The following TTLL11 variants were observed in gnomAD, a reference collection of about 807,000 sequenced individuals.
TTLL11 encodes tubulin tyrosine ligase like 11.
TTLL11 carries 42 observed loss-of-function variants against 51.7 expected under a neutral mutation model. That is an observed-to-expected ratio of 0.81 (90% CI 0.64 to 1.05). TTLL11 has a LOEUF of 1.05. Ranked by LOEUF, TTLL11 falls within the 50% of genes least tolerant of loss-of-function variation. The probability of loss-of-function intolerance (pLI) is 0.00; values close to 1 mark genes in which losing one functional copy is unlikely to be tolerated. For synonymous variants in TTLL11, 381 were observed against 383.5 expected (o/e 0.99, Z 0.08); for missense variants, 799 against 940.4 (o/e 0.85, Z 1.97).
chr9:121,834,936 T>A (rs1837142893), intron 8 of TTLL11, among the ~76,000 whole-genome samples: 1 of 152,188 alleles, frequency 6.6e-6, no homozygotes, highest in South Asian at 2.1e-4. Context: ...GTGGTTTCAT[T>A]TTCTCCTACT....
rs1385726619 is a variant in TTLL11 at position 121,816,573 on chromosome 9, C to CGTGCACACGT, written c.*6013_*6014insACGTGTGCAC. On this transcript the variant is annotated 3_prime_UTR_variant, in exon 9 of 9. Transcript: ENST00000321582. ...GTGCGCACGTGTGTGCATGCGTGTGCGTGTGTGCATGTGTGTGCGTGTGTG... is the reference window on the plus strand; with the variant it reads ...GTGCGCACGTGTGTGCATGCGTGTGCGTGCACACGTGTGTGTGCATGTGTGTGCGTGTGTG... 128 of 150,890 alleles carry CGTGCACACGT rather than the reference C, an allele frequency of 8.5e-4. No homozygotes were observed. Among genetic ancestry groups the CGTGCACACGT allele is most frequent in the African/African-American group, 3.0e-3 (124 of 40,814 alleles). The allele number at this position is 150,890 out of a possible 1,614,324, so 9.3% of individuals were successfully genotyped here. A position where few individuals can be genotyped will look rare whatever the true frequency, so the allele number is the denominator to read the frequency against.
chr9:121,854,454 G>A (rs1430451244), intron 8 of TTLL11, among the ~76,000 whole-genome samples: 2 of 152,144 alleles, frequency 1.3e-5, no homozygotes, highest in Non-Finnish European at 2.9e-5. Context: ...TGTTCCCTTT[G>A]GTTACTGAAA....
intron 6 of TTLL11, among the ~76,000 whole-genome samples, chr9:121,899,218 C>T (rs997311703): frequency 6.6e-6 from 1 of 152,072 alleles, no homozygotes; most frequent in Admixed American, 6.5e-5. Flanking sequence ...CCTCAGCTTG[C>T]TCCCTCTATC....
Position 121,989,795 on chromosome 9 carries a change from G to A in TTLL11, c.694-25C>T, listed in dbSNP as rs764634749. ...CCTGGAGGGGGAAAAAAGGATGGCC[G>A]ACATTATATTGTTTTCCCTCTGGAT... is the stretch of plus-strand genomic sequence containing the variant. On this transcript the variant is annotated intron_variant, in intron 3 of 8. Transcript: ENST00000321582. The surrounding 1 kb of genome is among the most constrained non-coding windows in gnomAD (Gnocchi z 4.2). 2.3e-4 allele frequency: 365 copies of A among 1,564,746 alleles called. No homozygotes were observed. The highest frequency in any genetic ancestry group is 2.7e-4 in the Non-Finnish European group (309 of 1,156,180).
chr9:121,857,840 C>A (rs569808006), intron 8 of TTLL11, among the ~76,000 whole-genome samples: 284 of 152,286 alleles, frequency 1.9e-3, no homozygotes, highest in African/African-American at 6.6e-3. Context: ...TCAGAATTAA[C>A]AATGGGCCAG....
At chr9:121,962,084 T>A (rs189409267) in intron 6 of TTLL11, among the ~76,000 whole-genome samples, 21 of 152,016 alleles carry the variant, frequency 1.4e-4, no homozygotes, top group Admixed American at 3.9e-4. Flanking sequence ...AAAAACAGCA[T>A]ACCAAAATTA....
chr9:122,091,485 T>TATCC (rs1263135647), intron 1 of TTLL11, among the ~76,000 whole-genome samples: 1 of 152,196 alleles, frequency 6.6e-6, no homozygotes, highest in Non-Finnish European at 1.5e-5. Context: ...GGCTACACCC[T>TATCC]ATCCACCTGG....
chr9:121,820,969 G>A lies in TTLL11; in HGVS notation c.*1618C>T, dbSNP rs1338860072. ...AGGGGTGCTGCGCGGCAGCCACACCGTGGGGGAAACAGGTTTTCCTCTTTG... is the reference window on the plus strand; with the variant it reads ...AGGGGTGCTGCGCGGCAGCCACACCATGGGGGAAACAGGTTTTCCTCTTTG... On this transcript the variant is annotated 3_prime_UTR_variant, in exon 9 of 9. Coordinates refer to ENST00000321582, the MANE Select transcript of TTLL11 (RefSeq NM_001139442.2). 4.0e-5 allele frequency among the ~76,000 whole-genome samples: 6 copies of A among 151,788 alleles called. 1 individual carries two copies. Among genetic ancestry groups the A allele is most frequent in the South Asian group, 2.1e-4 (1 of 4,802 alleles).
intron 6 of TTLL11, among the ~76,000 whole-genome samples, chr9:121,927,637 T>C (rs1840788787): frequency 6.6e-6 from 1 of 152,060 alleles, no homozygotes; most frequent in Non-Finnish European, 1.5e-5. Flanking sequence ...CATTTTTTTT[T>C]TTTTTTTTTT....
intron 6 of TTLL11, among the ~76,000 whole-genome samples, chr9:121,881,010 C>A (rs1838767365): frequency 1.3e-5 from 2 of 152,176 alleles, no homozygotes; most frequent in African/African-American, 2.4e-5. Context: ...CTCTCACAGT[C>A]CCTGGGAAAA....
intron 6 of TTLL11, among the ~76,000 whole-genome samples, chr9:121,881,979 T>G (rs1464648726): frequency 6.6e-6 from 1 of 152,232 alleles, no homozygotes; most frequent in Non-Finnish European, 1.5e-5. Flanking sequence ...ATCCTGCTCA[T>G]GCCTTGATGT....
chr9:122,078,643 T>A lies in TTLL11; in HGVS notation c.462+14044A>T, dbSNP rs149442581. The stretch of plus-strand genomic sequence containing the variant: ...TTCATTATGTACTTGGCACTTTACA[T>A]GATTATAGCTTTTTATGCTGGCAAT... On this transcript the variant is annotated intron_variant, in intron 1 of 8. Coordinates refer to ENST00000321582, the MANE Select transcript of TTLL11 (RefSeq NM_001139442.2). 2.9e-3 allele frequency among the ~76,000 whole-genome samples: 435 copies of A among 152,334 alleles called. 1 individual carries two copies. The highest frequency in any genetic ancestry group is 9.7e-3 in the African/African-American group (405 of 41,572).
intron 6 of TTLL11, among the ~76,000 whole-genome samples, chr9:121,896,187 C>G (rs561309893): frequency 6.6e-6 from 1 of 152,268 alleles, no homozygotes; most frequent in South Asian, 2.1e-4. Context: ...AATTCTGCCT[C>G]TGGCTCCCAC....
chr9:121,945,095 C>T (rs1417079189), intron 6 of TTLL11, among the ~76,000 whole-genome samples: 2 of 152,286 alleles, frequency 1.3e-5, no homozygotes, highest in East Asian at 1.9e-4. Flanking sequence ...GAAACTGGTG[C>T]TCCCTAAGCG....
At chr9:121,990,576 T>C (rs1458475868) in intron 3 of TTLL11, among the ~76,000 whole-genome samples, 1 of 152,130 alleles carries the variant, frequency 6.6e-6, no homozygotes, top group African/African-American at 2.4e-5. Context: ...TTCCTCACTT[T>C]AAAAATGGGG....
At chr9:122,031,906 A>G in intron 2 of TTLL11, 50 bp from the exon 3 acceptor site, 1 of 1,572,718 alleles carries the variant, frequency 6.4e-7, no homozygotes, top group Non-Finnish European at 8.7e-7. Flanking sequence ...GCTACTAGCT[A>G]TAAAACAGCC....
intron 6 of TTLL11, among the ~76,000 whole-genome samples, chr9:121,926,206 G>A (rs752899357): frequency 8.5e-5 from 13 of 152,166 alleles, no homozygotes; most frequent in South Asian, 2.1e-4. Context: ...GGGGCCCGGG[G>A]CTGGGGTGCA....
intron 6 of TTLL11, among the ~76,000 whole-genome samples, chr9:121,901,279 C>T (rs961759942): frequency 2.6e-5 from 4 of 152,236 alleles, no homozygotes; most frequent in Middle Eastern, 3.4e-3. Flanking sequence ...ATCACATCAT[C>T]GGTGGAGAGA....
intron 8 of TTLL11, among the ~76,000 whole-genome samples, chr9:121,833,808 C>T: frequency 6.6e-6 from 1 of 152,202 alleles, no homozygotes; most frequent in Admixed American, 6.5e-5. Context: ...TCATTGTCGA[C>T]AGCCAGGGAT....
Sources: allele counts gnomAD v4.1 joint callset (sites outside exome capture counted in the v4.1 genomes callset), GRCh38; gene constraint gnomAD v4.1.1; non-coding constraint Gnocchi (gnomAD v3.1); transcripts MANE v1.5; gene names NCBI Gene and HGNC (gene_info 2026-07-23, HGNC 2026-07-21).